Variants in EXTL3 observed in about 807,000 individuals in gnomAD.
EXTL3 encodes the protein exostosin like glycosyltransferase 3.
EXTL3 carries 27 observed loss-of-function variants against 69.3 expected under a neutral mutation model. That is an observed-to-expected ratio of 0.39 (90% CI 0.29 to 0.54). The LOEUF (loss-of-function observed/expected upper bound fraction) is 0.54, where lower values mean the gene tolerates loss of function less well. Among genes scored for constraint, EXTL3 ranks in the 20% least tolerant of loss-of-function variants. The probability of loss-of-function intolerance (pLI) is 0.69; values close to 1 mark genes in which losing one functional copy is unlikely to be tolerated. For missense variants in EXTL3, 1,003 were observed against 1,231.8 expected (o/e 0.81, Z 2.78); for synonymous variants, 511 against 499.4 (o/e 1.02, Z -0.31).
Position 28,717,759 on chromosome 8 carries a change from T to C in EXTL3, c.1700T>C (p.Met567Thr), listed in dbSNP as rs907521015. Residue 567 changes from methionine (M) to threonine (T), a missense_variant, in exon 3 of 7, where the codon ATG (methionine) becomes ACG (threonine). By Grantham distance (81) the Met-to-Thr change is moderately conservative. This residue lies in a region of EXTL3 where 742 missense variants were observed against 815.4 expected (regional missense o/e 0.91). Transcript: ENST00000220562. This position sits in a 1 kb window ranked among gnomAD's most constrained non-coding sequence, Gnocchi z 8.3. ...SGKAAGTDPN[M>T]ADNGDLDLGP... Reference sequence around the variant, plus strand: ...AAGGCGGCTGGAACTGACCCCAACATGGCTGACAACGGGGACCTGGACCTG... The same window carrying C: ...AAGGCGGCTGGAACTGACCCCAACACGGCTGACAACGGGGACCTGGACCTG... 1.2e-6 allele frequency: 2 copies of C among 1,614,112 alleles called. No homozygotes were observed. The highest frequency in any genetic ancestry group is 1.7e-6 in the Non-Finnish European group (2 of 1,179,938).
intron 1 of EXTL3, among the ~76,000 whole-genome samples, chr8:28,712,967 T>C (rs1472678034): frequency 2.7e-5 from 4 of 148,836 alleles, no homozygotes; most frequent in South Asian, 2.1e-4. Context: ...GAGCCTGATA[T>C]AATAAGCCCC....
chr8:28,636,069 A>G (rs1036169648), intron 1 of EXTL3, among the ~76,000 whole-genome samples: 3 of 151,886 alleles, frequency 2.0e-5, no homozygotes, highest in Admixed American at 6.6e-5. Context: ...AGTGGCTCAC[A>G]CCTGTAATCC....
intron 1 of EXTL3, among the ~76,000 whole-genome samples, chr8:28,690,426 G>C (rs1366494375): frequency 6.6e-6 from 1 of 152,140 alleles, no homozygotes; most frequent in African/African-American, 2.4e-5. Flanking sequence ...TGTAGGTTAG[G>C]AATTCAGAAG....
chr8:28,730,141 A>G (rs978972735), intron 3 of EXTL3: 2 of 152,346 alleles, frequency 1.3e-5, no homozygotes, highest in East Asian at 3.9e-4. Context: ...GAAGTTGAAG[A>G]GACATGCTAG....
At chr8:28,664,765 C>G (rs908320478) in intron 1 of EXTL3, among the ~76,000 whole-genome samples, 1 of 152,110 alleles carries the variant, frequency 6.6e-6, no homozygotes, top group Non-Finnish European at 1.5e-5. Flanking sequence ...CATCTCCCCC[C>G]GGAAGCTTTC....
chr8:28,751,609 T>C lies in EXTL3; in HGVS notation c.*743T>C, dbSNP rs1421469532. On this transcript the variant is annotated 3_prime_UTR_variant, in exon 7 of 7. Coordinates refer to ENST00000220562, the MANE Select transcript of EXTL3 (RefSeq NM_001440.4). Reference sequence around the variant, plus strand: ...GGTGGGCTGTTCAGCTTCCTGCTGCTGGGGCCAGCGATTTTTGAGGATTTA... The same window carrying C: ...GGTGGGCTGTTCAGCTTCCTGCTGCCGGGGCCAGCGATTTTTGAGGATTTA... 2 of 152,316 alleles carry C rather than the reference T, an allele frequency of 1.3e-5. No individual in the cohort carries two copies. The highest frequency in any genetic ancestry group is 1.3e-4 in the Admixed American group (2 of 15,288). The allele number at this position is 152,316 out of a possible 1,614,324, so 9.4% of individuals were successfully genotyped here. A position where few individuals can be genotyped will look rare whatever the true frequency, so the allele number is the denominator to read the frequency against.
chr8:28,708,153 G>A (rs749228122), intron 1 of EXTL3, among the ~76,000 whole-genome samples: 2 of 152,132 alleles, frequency 1.3e-5, no homozygotes, highest in East Asian at 3.8e-4. Context: ...TAATAAGGGC[G>A]GCTCAAACTC....
chr8:28,731,317 AC>A lies in EXTL3; in HGVS notation c.2245del (p.Leu749SerfsTer51). 6.2e-7 allele frequency: 1 copy of A among 1,614,206 alleles called. No homozygotes were observed. Among genetic ancestry groups the A allele is most frequent in the Non-Finnish European group, 8.5e-7 (1 of 1,180,026 alleles). Reference protein sequence around the residue: ...EAILSIDDDAHLRHDEIMFGF... With the variant: ...EAILSIDDDAXLRHDEIMFGF... ...ATCCTGTCCATTGATGACGATGCTC[AC>A]CTCCGCCATGACGAAATCATGTTTG... On this transcript the variant is annotated frameshift_variant, in exon 4 of 7. Coordinates refer to ENST00000220562, the MANE Select transcript of EXTL3 (RefSeq NM_001440.4). LOFTEE classifies it high-confidence loss of function.
At chr8:28,649,277 A>G (rs919371284) in intron 1 of EXTL3, among the ~76,000 whole-genome samples, 5 of 152,156 alleles carry the variant, frequency 3.3e-5, no homozygotes, top group East Asian at 1.9e-4. Flanking sequence ...TAGAGCTGCA[A>G]TTGCTGGGCT....
At chr8:28,609,424 A>ATTTTTTTT (rs1806243450) in intron 2 of EXTL3, among the ~76,000 whole-genome samples, 2 of 151,852 alleles carry the variant, frequency 1.3e-5, no homozygotes, top group African/African-American at 4.8e-5. Flanking sequence ...TCCACAAGCG[A>ATTTTTTTT]TAAAGAAGAT....
At position 28,681,379 on chromosome 8, in the gene EXTL3, A is replaced by G. The variant is rs567971657; in HGVS notation, c.-52-32078A>G. ...AAAATAGCAAAAAAATTAGCTGGGC[A>G]TGGTGGCACGTGTCTGTAATTCCAG... On this transcript the variant is annotated intron_variant, in intron 1 of 6. Transcript: ENST00000523149. Among the ~76,000 whole-genome samples, 8 of 151,736 alleles carry G rather than the reference A, an allele frequency of 5.3e-5. No homozygotes were observed. The East Asian group carries it at 1.6e-3, about 30-fold the overall frequency.
intron 1 of EXTL3, among the ~76,000 whole-genome samples, chr8:28,685,259 AT>A: frequency 6.6e-6 from 1 of 151,958 alleles, no homozygotes; most frequent in Admixed American, 6.6e-5. Context: ...CAAGTAATGT[AT>A]TTTATAGCAG....
At chr8:28,739,487 TG>T (rs1287232642) in intron 5 of EXTL3, among the ~76,000 whole-genome samples, 2 of 152,052 alleles carry the variant, frequency 1.3e-5, no homozygotes, top group Admixed American at 6.6e-5. Context: ...TCACCACACC[TG>T]GCTAATTTTT....
intron 1 of EXTL3, among the ~76,000 whole-genome samples, chr8:28,633,264 C>T (rs534703447): frequency 3.7e-4 from 56 of 152,052 alleles, no homozygotes; most frequent in South Asian, 1.7e-3. Context: ...CTGGAGGCTG[C>T]GAGGTTGAGG....
intron 1 of EXTL3, among the ~76,000 whole-genome samples, chr8:28,636,175 C>T (rs1038915823): frequency 6.6e-6 from 1 of 151,536 alleles, no homozygotes; most frequent in East Asian, 1.9e-4. Flanking sequence ...TACTAAAATA[C>T]AAAAAAATTA....
intron 1 of EXTL3, among the ~76,000 whole-genome samples, chr8:28,647,550 C>T (rs1022058218): frequency 6.6e-6 from 1 of 152,080 alleles, no homozygotes; most frequent in Non-Finnish European, 1.5e-5. Context: ...GTTCAGGAGA[C>T]AAGCCAGTGG....
chr8:28,709,722 T>C (rs1800995335), intron 1 of EXTL3, among the ~76,000 whole-genome samples: 1 of 152,210 alleles, frequency 6.6e-6, no homozygotes, highest in South Asian at 2.1e-4. Context: ...AGGATGGTTG[T>C]TATATCAACA....
chr8:28,686,938 A>T (rs1807587621), intron 1 of EXTL3, among the ~76,000 whole-genome samples: 1 of 152,170 alleles, frequency 6.6e-6, no homozygotes, highest in Non-Finnish European at 1.5e-5. Flanking sequence ...CATAGTTAAT[A>T]TTTGAACCCA....
chr8:28,746,593 T>A (rs1282661053), intron 6 of EXTL3, among the ~76,000 whole-genome samples: 2 of 152,204 alleles, frequency 1.3e-5, no homozygotes. Context: ...TTATAGTTGC[T>A]TCATTCTTTT....
Sources: gnomAD v4.1 joint callset for allele counts (sites outside exome capture counted in the v4.1 genomes callset) on GRCh38, gnomAD v4.1.1 for gene constraint, gnomAD v4.1.1 regional missense constraint, Gnocchi (gnomAD v3.1) non-coding constraint, MANE v1.5 for transcripts, NCBI Gene and HGNC (gene_info 2026-07-23, HGNC 2026-07-21) for gene names.